Variants in GRM7 observed in about 807,000 individuals in gnomAD.
The protein encoded by GRM7 is metabotropic glutamate receptor 7.
A neutral mutation model predicts 84.5 loss-of-function variants in GRM7; 35 were observed. The observed-to-expected ratio is 0.41, with a 90% CI of 0.32 to 0.55. GRM7 has a LOEUF of 0.55. Ranked by LOEUF, GRM7 falls within the 20% of genes least tolerant of loss-of-function variation. The pLI is 0.19. For synonymous variants in GRM7, 487 were observed against 455.1 expected (o/e 1.07, Z -0.89); for missense variants, 1,003 against 1,194.6 (o/e 0.84, Z 2.36).
In GRM7 at chr3:7,487,718, T is replaced by A. The variant is rs567047976; in HGVS notation, c.1515+25996T>A. Among the ~76,000 whole-genome samples the A allele has an allele frequency of 1.6e-4, 24 of 152,270 alleles. No homozygotes were observed. In the East Asian group the frequency reaches 4.6e-3, roughly 29 times the overall value. On this transcript the variant is annotated intron_variant, in intron 7 of 9. Transcript: ENST00000357716. ...GCACTTCTGTCCAAATTTCAAAGGATGTATCCGGAAGACTGGGGGCCCAGG... is the reference window on the plus strand; with the variant it reads ...GCACTTCTGTCCAAATTTCAAAGGAAGTATCCGGAAGACTGGGGGCCCAGG...
At chr3:6,991,992 T>C (rs569680713) in intron 1 of GRM7, among the ~76,000 whole-genome samples, 1 of 151,184 alleles carries the variant, frequency 6.6e-6, no homozygotes, top group East Asian at 1.9e-4. Context: ...AAAAAAAAAC[T>C]ATCAATGCCA....
chr3:7,156,097 T>G (rs1221710610), intron 2 of GRM7, among the ~76,000 whole-genome samples: 1 of 152,134 alleles, frequency 6.6e-6, no homozygotes, highest in African/African-American at 2.4e-5. Flanking sequence ...GGTGTACCTT[T>G]GAGGAACTAG....
intron 5 of GRM7, among the ~76,000 whole-genome samples, chr3:7,437,905 T>C (rs61530423): frequency 0.029 from 4,370 of 152,092 alleles, 221 homozygotes; most frequent in African/African-American, 0.1. Flanking sequence ...AGAGTAGTAG[T>C]TAGCCAGAAT....
At chr3:7,265,480 T>A (rs1698602642) in intron 2 of GRM7, among the ~76,000 whole-genome samples, 1 of 152,308 alleles carries the variant, frequency 6.6e-6, no homozygotes, top group South Asian at 2.1e-4. Context: ...GGAAAGCAAT[T>A]CTGTCTCATG....
At chr3:7,437,384 A>G (rs1361575612) in intron 5 of GRM7, among the ~76,000 whole-genome samples, 2 of 152,198 alleles carry the variant, frequency 1.3e-5, no homozygotes, top group Non-Finnish European at 1.5e-5. Context: ...CTACAAAATA[A>G]TCTAACTCAT....
At chr3:7,541,213 G>A (rs1692868052) in intron 7 of GRM7, among the ~76,000 whole-genome samples, 1 of 152,092 alleles carries the variant, frequency 6.6e-6, no homozygotes, top group South Asian at 2.1e-4. Flanking sequence ...GGCATTAGGT[G>A]AAACCATGTA....
At chr3:7,462,615 G>A (rs1698296759) in intron 7 of GRM7, among the ~76,000 whole-genome samples, 1 of 152,200 alleles carries the variant, frequency 6.6e-6, no homozygotes, top group South Asian at 2.1e-4. Flanking sequence ...TTGGGTGTGG[G>A]AAGCAAATCC....
intron 7 of GRM7, among the ~76,000 whole-genome samples, chr3:7,577,661 CTCTAGGATAGTCTAAATG>C (rs1230652790): frequency 6.6e-6 from 1 of 152,156 alleles, no homozygotes; most frequent in Non-Finnish European, 1.5e-5. Flanking sequence ...ATACATTCTT[CTCTAGGATAGTCTAAATG>C]TCATCTGCAA....
intron 7 of GRM7, among the ~76,000 whole-genome samples, chr3:7,494,016 T>C (rs746880027): frequency 1.3e-5 from 2 of 152,116 alleles, no homozygotes; most frequent in African/African-American, 4.8e-5. Context: ...TTTGTCTCAG[T>C]CATCAAATGT....
chr3:7,552,098 T>A (rs1693505666), intron 7 of GRM7, among the ~76,000 whole-genome samples: 1 of 152,100 alleles, frequency 6.6e-6, no homozygotes, highest in Non-Finnish European at 1.5e-5. Context: ...ACCTGATCTC[T>A]CCCTTGAAAC....
chr3:7,285,376 C>T (rs1468254434), intron 2 of GRM7, among the ~76,000 whole-genome samples: 1 of 152,108 alleles, frequency 6.6e-6, no homozygotes, highest in South Asian at 2.1e-4. Context: ...TTCTAACCAC[C>T]TCCATCCCAG....
At chr3:6,975,688 C>T (rs1693962690) in intron 1 of GRM7, among the ~76,000 whole-genome samples, 1 of 152,036 alleles carries the variant, frequency 6.6e-6, no homozygotes. Flanking sequence ...TAGATTTATT[C>T]TAATATATTT....
rs117523470 is a variant in GRM7, at chr3:6,929,832, G to A, written c.519+67925G>A. 7.7e-4 allele frequency among the ~76,000 whole-genome samples: 117 copies of A among 152,260 alleles called. 4 individuals are homozygous for A. The East Asian group carries it at 0.02, about 26-fold the overall frequency. Reference sequence around the variant, plus strand: ...TGACGGCACACACTGTCCAGGTGCTGTCAGAATGTTTTAGGGGCTGATAGA... The same window carrying A: ...TGACGGCACACACTGTCCAGGTGCTATCAGAATGTTTTAGGGGCTGATAGA... On this transcript the variant is annotated intron_variant, in intron 1 of 9. Transcript: ENST00000357716.
chr3:7,699,669 T>G (rs1030892930), intron 9 of GRM7, among the ~76,000 whole-genome samples: 1 of 152,154 alleles, frequency 6.6e-6, no homozygotes, highest in Non-Finnish European at 1.5e-5. Context: ...TTTTATCATG[T>G]CATTGGGAAG....
Position 7,219,611 on chromosome 3 carries a change from T to C in GRM7, c.736+72943T>C, listed in dbSNP as rs147532642. ...ACATTAATATGAGCTCAAGTTCAGT[T>C]TAATATATATGCAGGTAGTTACATA... On this transcript the variant is annotated intron_variant, in intron 2 of 9. Transcript: ENST00000357716. Among the ~76,000 whole-genome samples the C allele has an allele frequency of 4.5e-3, 683 of 152,324 alleles. 3 individuals carry two copies. The highest frequency in any genetic ancestry group is 0.015 in the African/African-American group (637 of 41,568).
At chr3:6,909,135 G>T (rs1696681211) in intron 1 of GRM7, among the ~76,000 whole-genome samples, 1 of 152,018 alleles carries the variant, frequency 6.6e-6, no homozygotes, top group Admixed American at 6.6e-5. Flanking sequence ...CCCTGTTATG[G>T]ACATACAAGA....
At chr3:7,245,377 T>A (rs1012484759) in intron 2 of GRM7, among the ~76,000 whole-genome samples, 2 of 151,734 alleles carry the variant, frequency 1.3e-5, no homozygotes, top group Non-Finnish European at 2.9e-5. Context: ...GGGAAATCTA[T>A]GAAAATGAGA....
intron 1 of GRM7, among the ~76,000 whole-genome samples, chr3:6,917,207 C>T (rs1050679056): frequency 3.3e-5 from 5 of 151,866 alleles, no homozygotes; most frequent in African/African-American, 1.2e-4. Flanking sequence ...CAGCATTTAG[C>T]GTCTATATAA....
intron 1 of GRM7, among the ~76,000 whole-genome samples, chr3:6,970,594 C>A (rs552980636): frequency 1.1e-4 from 17 of 152,254 alleles, no homozygotes; most frequent in African/African-American, 3.4e-4. Context: ...TTGAGCGTAG[C>A]TGGACGTTAT....
Sources: allele counts gnomAD v4.1 joint callset (sites outside exome capture counted in the v4.1 genomes callset), GRCh38; gene constraint gnomAD v4.1.1; transcripts MANE v1.5; gene names NCBI Gene and HGNC (gene_info 2026-07-23, HGNC 2026-07-21).